The following KCNIP4 variants were observed in gnomAD, a reference collection of about 807,000 sequenced individuals.
The protein encoded by KCNIP4 is Kv channel-interacting protein 4.
KCNIP4 carries 12 observed loss-of-function variants against 34.0 expected under a neutral mutation model. The observed-to-expected ratio is 0.35, with a 90% CI of 0.23 to 0.57. The LOEUF is 0.57. Ranked by LOEUF, KCNIP4 falls within the 20% of genes least tolerant of loss-of-function variation. The pLI is 0.83. For synonymous variants in KCNIP4, 124 were observed against 102.2 expected (o/e 1.21, Z -1.29); for missense variants, 238 against 311.7 (o/e 0.76, Z 1.78).
chr4:20,805,337 C>T (rs1399256985), intron 3 of KCNIP4, among the ~76,000 whole-genome samples: 2 of 151,688 alleles, frequency 1.3e-5, no homozygotes, highest in African/African-American at 4.8e-5. Context: ...CACCTTTCTG[C>T]CTTCTCCTCT....
intron 3 of KCNIP4, among the ~76,000 whole-genome samples, chr4:20,781,236 A>G: frequency 6.6e-6 from 1 of 152,226 alleles, no homozygotes; most frequent in East Asian, 1.9e-4. Context: ...AACACATTAG[A>G]ATTTTCAAGA....
chr4:21,251,095 A>T (rs1483363707), intron 1 of KCNIP4, among the ~76,000 whole-genome samples: 1 of 152,016 alleles, frequency 6.6e-6, no homozygotes, highest in Non-Finnish European at 1.5e-5. Context: ...ACCAGTGGGG[A>T]ATGCGTTTAA....
intron 1 of KCNIP4, among the ~76,000 whole-genome samples, chr4:21,551,142 TA>T (rs140786855): frequency 0.011 from 1,665 of 152,224 alleles, 40 homozygotes; most frequent in African/African-American, 0.039. Flanking sequence ...TTGCTGCATA[TA>T]AAAACATTAG....
At chr4:21,147,027 C>T (rs531187279) in intron 1 of KCNIP4, among the ~76,000 whole-genome samples, 2 of 152,052 alleles carry the variant, frequency 1.3e-5, no homozygotes, top group Non-Finnish European at 2.9e-5. Flanking sequence ...CTGTATACTT[C>T]TACACACTTT....
chr4:21,313,305 T>C (rs898645440), intron 1 of KCNIP4, among the ~76,000 whole-genome samples: 1 of 152,178 alleles, frequency 6.6e-6, no homozygotes, highest in Non-Finnish European at 1.5e-5. Flanking sequence ...AAATTATTCC[T>C]CATTACAGCT....
chr4:21,368,825 C>A (rs1403862421), intron 1 of KCNIP4, among the ~76,000 whole-genome samples: 1 of 147,452 alleles, frequency 6.8e-6, no homozygotes, highest in Non-Finnish European at 1.5e-5. Flanking sequence ...TGGTTAATTG[C>A]TAACACATTG....
chr4:21,513,986 G>A (rs1433881877), intron 1 of KCNIP4, among the ~76,000 whole-genome samples: 1 of 152,126 alleles, frequency 6.6e-6, no homozygotes, highest in Non-Finnish European at 1.5e-5. Context: ...ACACTAGTCA[G>A]GTTTCCTTTC....
intron 1 of KCNIP4, among the ~76,000 whole-genome samples, chr4:21,173,794 C>T (rs923700952): frequency 6.6e-6 from 1 of 152,154 alleles, no homozygotes; most frequent in Non-Finnish European, 1.5e-5. Context: ...AATTGACAAA[C>T]AGAATGGGAG....
At chr4:21,653,962 A>G (rs1385665936) in intron 1 of KCNIP4, among the ~76,000 whole-genome samples, 1 of 152,206 alleles carries the variant, frequency 6.6e-6, no homozygotes, top group East Asian at 1.9e-4. Flanking sequence ...AGGAAACTCA[A>G]ATAAGTTTCT....
At chr4:21,365,251 G>C (rs1022331761) in intron 1 of KCNIP4, among the ~76,000 whole-genome samples, 13 of 151,978 alleles carry the variant, frequency 8.6e-5, no homozygotes, top group African/African-American at 1.2e-4. Context: ...TTGGGAGGCC[G>C]AGGTGGGCGG....
intron 1 of KCNIP4, among the ~76,000 whole-genome samples, chr4:21,334,067 C>T (rs915031507): frequency 1.3e-5 from 2 of 152,066 alleles, no homozygotes; most frequent in Admixed American, 6.6e-5. Context: ...GCTACAAAAA[C>T]TCATCTTTTT....
chr4:21,075,532 T>C (rs1037081155), intron 1 of KCNIP4, among the ~76,000 whole-genome samples: 1 of 152,206 alleles, frequency 6.6e-6, no homozygotes, highest in African/African-American at 2.4e-5. Context: ...CCTATGTGTG[T>C]CTGTGCATAT....
At chr4:21,778,135 T>C (rs944705818) in intron 1 of KCNIP4, among the ~76,000 whole-genome samples, 3 of 151,872 alleles carry the variant, frequency 2.0e-5, no homozygotes, top group African/African-American at 7.3e-5. Context: ...AATTGGTGCA[T>C]AATTTTCATA....
At chr4:21,416,348 C>A (rs1423983086) in intron 1 of KCNIP4, among the ~76,000 whole-genome samples, 1 of 152,070 alleles carries the variant, frequency 6.6e-6, no homozygotes, top group Non-Finnish European at 1.5e-5. Flanking sequence ...TAGTGTTTCA[C>A]TTTGTTTTCC....
chr4:21,263,220 T>C (rs995557056), intron 1 of KCNIP4, among the ~76,000 whole-genome samples: 2 of 152,242 alleles, frequency 1.3e-5, no homozygotes, highest in Non-Finnish European at 2.9e-5. Context: ...CAGGCAGCAC[T>C]AAGGTAGAGA....
chr4:20,860,233 A>G (rs1163791720), intron 2 of KCNIP4, among the ~76,000 whole-genome samples: 2 of 151,626 alleles, frequency 1.3e-5, no homozygotes, highest in Non-Finnish European at 2.9e-5. Context: ...TCCGCCTCCC[A>G]GGTTAAAGCG....
intron 1 of KCNIP4, among the ~76,000 whole-genome samples, chr4:21,194,804 C>T (rs986965794): frequency 2.6e-5 from 4 of 152,150 alleles, no homozygotes; most frequent in African/African-American, 7.2e-5. Flanking sequence ...CATGACACAG[C>T]GAACCCTGCT....
chr4:21,036,638 A>G (rs1476495781), intron 1 of KCNIP4, among the ~76,000 whole-genome samples: 1 of 152,184 alleles, frequency 6.6e-6, no homozygotes, highest in African/African-American at 2.4e-5. Context: ...AGGCAGTACA[A>G]TTGCTTGAAT....
At chr4:21,172,975 G>A (rs928281777) in intron 1 of KCNIP4, among the ~76,000 whole-genome samples, 3 of 152,184 alleles carry the variant, frequency 2.0e-5, no homozygotes, top group Non-Finnish European at 4.4e-5. Flanking sequence ...GCATACGGAA[G>A]CGGCACTACA....
Sources: gnomAD v4.1 joint callset for allele counts (sites outside exome capture counted in the v4.1 genomes callset) on GRCh38, gnomAD v4.1.1 for gene constraint, MANE v1.5 for transcripts, NCBI Gene and HGNC (gene_info 2026-07-23, HGNC 2026-07-21) for gene names.